CNBD1: variants seen among roughly 807,000 people sequenced by gnomAD.
The protein encoded by CNBD1 is cyclic nucleotide binding domain containing 1, also known as cyclic nucleotide-binding domain-containing protein 1.
In CNBD1, 71 loss-of-function variants were observed where a neutral mutation model predicts 54.4. That is an observed-to-expected ratio of 1.30 (90% confidence interval 1.08 to 1.59). The LOEUF (loss-of-function observed/expected upper bound fraction) is 1.59, where lower values mean the gene tolerates loss of function less well. CNBD1 is among the 40% of genes most tolerant of loss of function. The pLI, the probability that CNBD1 is intolerant of heterozygous loss-of-function variation, is 0.00. For synonymous variants in CNBD1, 182 were observed against 170.7 expected (o/e 1.07, Z -0.51); for missense variants, 659 against 518.0 (o/e 1.27, Z -2.64).
chr8:86,930,266 G>A (rs1213302521), intron 3 of CNBD1, among the ~76,000 whole-genome samples: 1 of 152,098 alleles, frequency 6.6e-6, no homozygotes, highest in African/African-American at 2.4e-5. Context: ...CTAAGATTAG[G>A]CCTAGATATT....
At chr8:87,382,133 A>T (rs116485301) in intron 10 of CNBD1, among the ~76,000 whole-genome samples, 2,867 of 152,024 alleles carry the variant, frequency 0.019, 91 homozygotes, top group African/African-American at 0.062. Flanking sequence ...ATATAATTTA[A>T]CATTTGATTA....
At chr8:87,403,186 G>A (rs1438059581) in intron 2 of CNBD1, among the ~76,000 whole-genome samples, 1 of 151,908 alleles carries the variant, frequency 6.6e-6, no homozygotes, top group Non-Finnish European at 1.5e-5. Context: ...TTTTGTCAAT[G>A]TGCCTTTCAA....
At chr8:87,358,556 A>T (rs1810465565) in intron 10 of CNBD1, among the ~76,000 whole-genome samples, 1 of 138,546 alleles carries the variant, frequency 7.2e-6, no homozygotes, top group African/African-American at 2.6e-5. Flanking sequence ...TGTATTATAC[A>T]AAGTTCTTCA....
chr8:87,366,016 A>T (rs893070367), intron 10 of CNBD1, among the ~76,000 whole-genome samples: 1 of 152,060 alleles, frequency 6.6e-6, no homozygotes, highest in Admixed American at 6.6e-5. Context: ...CTCAGTTGGG[A>T]TAATAATAAA....
chr8:86,973,134 A>G (rs1808263340), intron 4 of CNBD1, among the ~76,000 whole-genome samples: 1 of 152,166 alleles, frequency 6.6e-6, no homozygotes, highest in African/African-American at 2.4e-5. Context: ...TTTGGCTCCT[A>G]CCTACTCTAG....
intron 1 of CNBD1, among the ~76,000 whole-genome samples, chr8:86,867,938 G>A (rs899902243): frequency 1.3e-5 from 2 of 152,144 alleles, no homozygotes; most frequent in African/African-American, 4.8e-5. Context: ...ATGGAAAGCG[G>A]TGGAGCTCCC....
At position 87,182,831 on chromosome 8, in the gene CNBD1, C is replaced by A. The variant is rs1563498554; in HGVS notation, c.432-23162C>A. 6.6e-6 allele frequency among the ~76,000 whole-genome samples: 1 copy of A among 152,104 alleles called. No homozygotes were observed. Among genetic ancestry groups the A allele is most frequent in the Non-Finnish European group, 1.5e-5 (1 of 68,022 alleles). ...AGCATAGTTTGCAAGTATTTTCTCC[C>A]ATTTAGTAGGTTTTCTGCCTATTCA... On this transcript the variant is annotated intron_variant, in intron 4 of 10. Transcript: ENST00000518476. The surrounding 1 kb of genome is among the most constrained non-coding windows in gnomAD (Gnocchi z 4.1).
chr8:87,308,577 T>C (rs562172683), intron 8 of CNBD1, among the ~76,000 whole-genome samples: 53 of 152,330 alleles, frequency 3.5e-4, no homozygotes, highest in Admixed American at 1.3e-3. Context: ...AAACATTTGT[T>C]ATTTCTTTGT....
chr8:86,936,953 T>C (rs1809560187), intron 3 of CNBD1, among the ~76,000 whole-genome samples: 1 of 152,180 alleles, frequency 6.6e-6, no homozygotes, highest in African/African-American at 2.4e-5. Flanking sequence ...CTCTTTTAGT[T>C]ACAATTTCCT....
intron 4 of CNBD1, among the ~76,000 whole-genome samples, chr8:86,951,690 C>T (rs1586157618): frequency 1.5e-5 from 2 of 131,236 alleles, no homozygotes; most frequent in Admixed American, 8.1e-5. Flanking sequence ...CAACAAAAGA[C>T]ATCTTGTTTA....
At chr8:86,873,611 T>C (rs150166219) in intron 1 of CNBD1, among the ~76,000 whole-genome samples, 24 of 152,028 alleles carry the variant, frequency 1.6e-4, no homozygotes, top group African/African-American at 5.5e-4. Context: ...CTTGGCAACA[T>C]AGTGAGACCC....
intron 10 of CNBD1, among the ~76,000 whole-genome samples, chr8:87,354,517 T>C (rs1201569381): frequency 6.6e-6 from 1 of 152,046 alleles, no homozygotes; most frequent in Non-Finnish European, 1.5e-5. Flanking sequence ...TAACTCGTCA[T>C]TTAGCATTAG....
chr8:87,136,355 C>T (rs559931647), intron 4 of CNBD1, among the ~76,000 whole-genome samples: 1 of 150,408 alleles, frequency 6.6e-6, no homozygotes, highest in South Asian at 2.1e-4. Context: ...TTGAATAACA[C>T]ATGTAATTAC....
intron 4 of CNBD1, among the ~76,000 whole-genome samples, chr8:87,009,145 T>A (rs1809163681): frequency 6.6e-6 from 1 of 152,054 alleles, no homozygotes; most frequent in Admixed American, 6.6e-5. Flanking sequence ...TTTACTAGAG[T>A]CTATGATAAA....
At chr8:87,052,788 G>T (rs1810337212) in intron 4 of CNBD1, among the ~76,000 whole-genome samples, 1 of 152,200 alleles carries the variant, frequency 6.6e-6, no homozygotes, top group South Asian at 2.1e-4. Context: ...CTCCATGTAT[G>T]ATCAAATACT....
intron 8 of CNBD1, among the ~76,000 whole-genome samples, chr8:87,311,330 C>A (rs1013379383): frequency 1.3e-5 from 2 of 151,796 alleles, no homozygotes; most frequent in African/African-American, 2.4e-5. Flanking sequence ...ATAAATGAAG[C>A]CAACAAACAT....
At chr8:87,013,766 T>C (rs1809273298) in intron 4 of CNBD1, among the ~76,000 whole-genome samples, 1 of 151,846 alleles carries the variant, frequency 6.6e-6, no homozygotes, top group East Asian at 1.9e-4. Context: ...AAGGCCTTTA[T>C]AAATTCTATA....
chr8:87,267,480 G>A (rs1409222120), intron 6 of CNBD1, among the ~76,000 whole-genome samples: 1 of 152,106 alleles, frequency 6.6e-6, no homozygotes, highest in Non-Finnish European at 1.5e-5. Flanking sequence ...GTTGGTATTA[G>A]ATGCTCTAGT....
intron 4 of CNBD1, among the ~76,000 whole-genome samples, chr8:86,951,974 A>G (rs542351205): frequency 1.4e-4 from 21 of 152,338 alleles, no homozygotes; most frequent in African/African-American, 4.8e-4. Context: ...TTGCAGACAA[A>G]GGACAAACAG....
Sources: gnomAD v4.1 joint callset for allele counts (sites outside exome capture counted in the v4.1 genomes callset) on GRCh38, gnomAD v4.1.1 for gene constraint, Gnocchi (gnomAD v3.1) non-coding constraint, MANE v1.5 for transcripts, NCBI Gene and HGNC (gene_info 2026-07-23, HGNC 2026-07-21) for gene names.